The following GLIS1 variants were observed in gnomAD, a reference collection of about 807,000 sequenced individuals.
The protein encoded by GLIS1 is GLIS family zinc finger 1.
GLIS1 carries 24 observed loss-of-function variants against 63.8 expected under a neutral mutation model. The ratio of observed to expected loss-of-function variants is 0.38; its 90% CI spans 0.27 to 0.53. The LOEUF (loss-of-function observed/expected upper bound fraction) is 0.53. Among genes scored for constraint, GLIS1 ranks in the 20% least tolerant of loss-of-function variants. The probability of loss-of-function intolerance (pLI) is 0.85; values close to 1 mark genes in which losing one functional copy is unlikely to be tolerated. For missense variants in GLIS1, 1,036 were observed against 1,074.1 expected (o/e 0.96, Z 0.50); for synonymous variants, 450 against 482.5 (o/e 0.93, Z 0.88).
chr1:53,687,003 T>C (rs1432439159), intron 2 of GLIS1, among the ~76,000 whole-genome samples: 1 of 152,014 alleles, frequency 6.6e-6, no homozygotes, highest in Non-Finnish European at 1.5e-5. Flanking sequence ...TATAGGAGGC[T>C]CCCAAGAGCT....
At chr1:53,655,458 T>A (rs1645955186) in intron 2 of GLIS1, among the ~76,000 whole-genome samples, 1 of 152,242 alleles carries the variant, frequency 6.6e-6, no homozygotes, top group South Asian at 2.1e-4. Flanking sequence ...TCTCCGTGTC[T>A]CAGTTTCCTC....
chr1:53,594,465 C>T lies in GLIS1; in HGVS notation c.963G>A (p.Lys321=), dbSNP rs1645229215. Residue 321 remains lysine (K), a synonymous_variant, in exon 4 of 11, where the codon AAG becomes AAA. Coordinates refer to ENST00000628545, the MANE Select transcript of GLIS1 (RefSeq NM_001367484.1). The part of the protein sequence containing the change: ...LEACRKASFL[K]QEPADEFSEL... ...CTGAAAACTCATCCGCGGGTTCCTG[C>T]TTCAGGAAGCTCGCCTTCCGGCAGG... 2.5e-6 allele frequency: 4 copies of T among 1,613,008 alleles called. No homozygotes were observed. The highest frequency in any genetic ancestry group is 3.4e-6 in the Non-Finnish European group (4 of 1,180,004).
At position 53,514,675 on chromosome 1, in the gene GLIS1, A is replaced by G; in HGVS notation, c.1833T>C (p.Ser611=). ...GCAGAGGGGACAGATGGTGGTGGGAACTGGTGGTGGCATCCAGCGGGTGGT... is the reference window on the plus strand; with the variant it reads ...GCAGAGGGGACAGATGGTGGTGGGAGCTGGTGGTGGCATCCAGCGGGTGGT... The part of the protein sequence containing the change: ...SRHHPLDATT[S]SHHHLSPLPM... Residue 611 remains serine (S), a synonymous_variant, in exon 8 of 11, where the codon AGT becomes AGC. Coordinates refer to ENST00000628545, the MANE Select transcript of GLIS1 (RefSeq NM_001367484.1). The G allele has an allele frequency of 6.2e-7, 1 of 1,613,488 alleles. No homozygotes were observed. Among genetic ancestry groups the G allele is most frequent in the East Asian group, 2.2e-5 (1 of 44,788 alleles).
At chr1:53,686,508 C>A (rs1165047666) in intron 2 of GLIS1, among the ~76,000 whole-genome samples, 4 of 152,158 alleles carry the variant, frequency 2.6e-5, no homozygotes, top group African/African-American at 7.2e-5. Context: ...GGTGGCAGAC[C>A]CTGAGCTGGA....
At chr1:53,700,169 G>A (rs1013314990) in intron 2 of GLIS1, among the ~76,000 whole-genome samples, 14 of 152,172 alleles carry the variant, frequency 9.2e-5, no homozygotes, top group South Asian at 4.1e-4. Flanking sequence ...TCTACAGTGC[G>A]CAAGGCCCTC....
At chr1:53,512,662 C>T (rs1192102034) in intron 8 of GLIS1, among the ~76,000 whole-genome samples, 1 of 152,070 alleles carries the variant, frequency 6.6e-6, no homozygotes, top group African/African-American at 2.4e-5. Context: ...CAGCTGGACC[C>T]GAGGCTCCTA....
chr1:53,634,961 C>G (rs927390500), intron 2 of GLIS1, among the ~76,000 whole-genome samples: 2 of 152,278 alleles, frequency 1.3e-5, no homozygotes, highest in Non-Finnish European at 2.9e-5. Flanking sequence ...TTACCTAGAC[C>G]AGAGCATGAC....
At chr1:53,523,454 G>A (rs1001008355) in intron 6 of GLIS1, among the ~76,000 whole-genome samples, 1 of 152,162 alleles carries the variant, frequency 6.6e-6, no homozygotes, top group Non-Finnish European at 1.5e-5. Flanking sequence ...TTTCATTCCT[G>A]GCAGTGTCCA....
intron 2 of GLIS1, among the ~76,000 whole-genome samples, chr1:53,701,201 A>G (rs981271679): frequency 6.6e-6 from 1 of 152,232 alleles, no homozygotes; most frequent in African/African-American, 2.4e-5. Context: ...GAACTACCAG[A>G]CTATTTTCCC....
At chr1:53,702,016 A>G (rs1376941936) in intron 2 of GLIS1, among the ~76,000 whole-genome samples, 4 of 149,446 alleles carry the variant, frequency 2.7e-5, no homozygotes, top group African/African-American at 4.9e-5. Flanking sequence ...AAAAAAAAAA[A>G]AAAAAAGAAA....
chr1:53,515,536 G>C (rs759314852), intron 7 of GLIS1, among the ~76,000 whole-genome samples: 4 of 152,046 alleles, frequency 2.6e-5, no homozygotes, highest in Non-Finnish European at 4.4e-5. Context: ...TAAACCTTCA[G>C]AAGACACCTG....
rs751828341 is a variant in GLIS1 at position 53,514,746 on chromosome 1, G to A, written c.1762C>T (p.Leu588Phe). The part of the protein sequence containing the change: ...YPGSITPHNG[L>F]ASGLLPPAHD... Reference sequence around the variant, plus strand: ...GCTGGGGGCAGGAGGCCCGATGCAAGTCCGTTATGGGGGGTGATGGAGCCA... The same window carrying A: ...GCTGGGGGCAGGAGGCCCGATGCAAATCCGTTATGGGGGGTGATGGAGCCA... The change falls in exon 8 of 11, where the codon CTT becomes TTT. Residue 588 changes from leucine (L) to phenylalanine (F), a missense_variant. Physicochemically the swap from Leu to Phe is conservative, Grantham distance 22. Transcript: ENST00000628545. The A allele has an allele frequency of 6.2e-7, 1 of 1,608,940 alleles. No homozygotes were observed. The highest frequency in any genetic ancestry group is 8.5e-7 in the Non-Finnish European group (1 of 1,177,576).
intron 2 of GLIS1, among the ~76,000 whole-genome samples, chr1:53,720,875 G>C (rs561965106): frequency 1.3e-5 from 2 of 152,088 alleles, no homozygotes; most frequent in African/African-American, 4.8e-5. Flanking sequence ...GCCGGAGTCT[G>C]TAGTCCCAGC....
At chr1:53,612,971 A>G (rs1379462134) in intron 2 of GLIS1, among the ~76,000 whole-genome samples, 1 of 151,936 alleles carries the variant, frequency 6.6e-6, no homozygotes, top group Non-Finnish European at 1.5e-5. Flanking sequence ...GGCACCCACC[A>G]CCACGTGCGG....
In GLIS1 at chr1:53,598,809, T is replaced by A. The variant is rs764881462; in HGVS notation, c.437+1292A>T. Among the ~76,000 whole-genome samples, 28 of 152,214 alleles carry A rather than the reference T, an allele frequency of 1.8e-4. No homozygotes were observed. The highest frequency in any genetic ancestry group is 2.8e-4 in the Non-Finnish European group (19 of 68,046). On this transcript the variant is annotated intron_variant, in intron 3 of 10. Coordinates refer to ENST00000628545, the MANE Select transcript of GLIS1 (RefSeq NM_001367484.1). This position sits in a 1 kb window ranked among gnomAD's most constrained non-coding sequence, Gnocchi z 4.6. ...TAATATCAAAGGAAGCCAGAAGGAA[T>A]CTAAATTCTCAAAGGAAAATGGTTG...
At chr1:53,522,986 C>CTTTTTCTTTTTTTTTTTTTT (rs760283252) in intron 6 of GLIS1, among the ~76,000 whole-genome samples, 2 of 43,688 alleles carry the variant, frequency 4.6e-5, no homozygotes, top group African/African-American at 8.8e-5. Flanking sequence ...TCTTTTCTTT[C>CTTTTTCTTTTTTTTTTTTTT]TTTTTTTTTT....
At chr1:53,706,970 G>A (rs1174421432) in intron 2 of GLIS1, among the ~76,000 whole-genome samples, 1 of 152,142 alleles carries the variant, frequency 6.6e-6, no homozygotes, top group Non-Finnish European at 1.5e-5. Context: ...AAGTGCTCCT[G>A]GCTGGACCAA....
intron 3 of GLIS1, among the ~76,000 whole-genome samples, chr1:53,596,547 C>T (rs1225859932): frequency 2.0e-5 from 3 of 152,192 alleles, no homozygotes; most frequent in African/African-American, 7.2e-5. Flanking sequence ...TGAGATGGCC[C>T]CGTGACAGCC....
At chr1:53,640,503 C>T (rs1428850228) in intron 2 of GLIS1, among the ~76,000 whole-genome samples, 1 of 152,104 alleles carries the variant, frequency 6.6e-6, no homozygotes, top group Admixed American at 6.6e-5. Context: ...ATCCTCAGGC[C>T]CCCAGCACCC....
Sources: allele counts gnomAD v4.1 joint callset (sites outside exome capture counted in the v4.1 genomes callset), GRCh38; gene constraint gnomAD v4.1.1; non-coding constraint Gnocchi (gnomAD v3.1); transcripts MANE v1.5; gene names NCBI Gene and HGNC (gene_info 2026-07-23, HGNC 2026-07-21).